The following GFRA1 variants were observed in gnomAD, a reference collection of about 807,000 sequenced individuals.
The protein encoded by GFRA1 is GDNF family receptor alpha 1, also known as GDNF family receptor alpha-1.
In GFRA1, 16 loss-of-function variants were observed where a neutral mutation model predicts 51.6. That is an observed-to-expected ratio of 0.31 (90% CI 0.21 to 0.47). The LOEUF (loss-of-function observed/expected upper bound fraction) is 0.47, where lower values mean the gene tolerates loss of function less well. Among genes scored for constraint, GFRA1 ranks in the 20% least tolerant of loss-of-function variants. GFRA1 has a pLI of 1.00. For synonymous variants in GFRA1, 270 were observed against 241.3 expected (o/e 1.12, Z -1.10); for missense variants, 530 against 594.3 (o/e 0.89, Z 1.13).
At chr10:116,156,210 T>C (rs548699196) in intron 5 of GFRA1, among the ~76,000 whole-genome samples, 1 of 152,320 alleles carries the variant, frequency 6.6e-6, no homozygotes, top group South Asian at 2.1e-4. Flanking sequence ...CACAAGAGTA[T>C]TCCTTTGAAT....
chr10:116,222,352 C>A (rs1965982380), intron 4 of GFRA1, among the ~76,000 whole-genome samples: 1 of 152,092 alleles, frequency 6.6e-6, no homozygotes, highest in African/African-American at 2.4e-5. Flanking sequence ...GTGCCCGCCA[C>A]CACACCTGGC....
At chr10:116,180,602 A>G (rs1962114218) in intron 5 of GFRA1, among the ~76,000 whole-genome samples, 2 of 151,958 alleles carry the variant, frequency 1.3e-5, no homozygotes, top group South Asian at 4.2e-4. Flanking sequence ...CTCTACAACT[A>G]ATTATCCTAT....
At chr10:116,199,583 T>G (rs1158184822) in intron 5 of GFRA1, among the ~76,000 whole-genome samples, 1 of 152,236 alleles carries the variant, frequency 6.6e-6, no homozygotes, top group Admixed American at 6.5e-5. Flanking sequence ...TATCCACCTC[T>G]CTATCCATCC....
At chr10:116,179,005 C>T (rs74160646) in intron 5 of GFRA1, among the ~76,000 whole-genome samples, 24 of 152,254 alleles carry the variant, frequency 1.6e-4, no homozygotes, top group Non-Finnish European at 3.4e-4. Context: ...CATCTGCTCC[C>T]CCGGTTACCG....
chr10:116,094,563 C>A (rs1589783024), intron 7 of GFRA1, among the ~76,000 whole-genome samples: 1 of 152,116 alleles, frequency 6.6e-6, no homozygotes, highest in South Asian at 2.1e-4. Flanking sequence ...TTAATCCAAA[C>A]CAAATGTCTT....
At chr10:116,168,119 G>T (rs1168873306) in intron 5 of GFRA1, among the ~76,000 whole-genome samples, 2 of 146,740 alleles carry the variant, frequency 1.4e-5, no homozygotes, top group Non-Finnish European at 3.0e-5. Flanking sequence ...AAGAGTCAGT[G>T]GTTCAAACCT....
chr10:116,107,404 C>A (rs931871552), intron 6 of GFRA1, among the ~76,000 whole-genome samples: 1 of 152,192 alleles, frequency 6.6e-6, no homozygotes, highest in Non-Finnish European at 1.5e-5. Context: ...ATATGAAATG[C>A]TTTGTCCTAA....
chr10:116,186,377 C>T (rs570866669), intron 5 of GFRA1, among the ~76,000 whole-genome samples: 56 of 152,282 alleles, frequency 3.7e-4, no homozygotes, highest in African/African-American at 1.3e-3. Context: ...TTACTTCACA[C>T]AGAGGTGGTG....
intron 5 of GFRA1, among the ~76,000 whole-genome samples, chr10:116,143,259 T>C (rs968393081): frequency 3.9e-5 from 6 of 151,908 alleles, no homozygotes; most frequent in African/African-American, 1.5e-4. Flanking sequence ...AACCATTTCC[T>C]GAGGCTGGGT....
At chr10:116,096,535 C>T (rs79375672) in intron 7 of GFRA1, 120 bp downstream of exon 7, 7 of 700,262 alleles carry the variant, frequency 1.0e-5, no homozygotes, top group East Asian at 5.5e-5. Context: ...AACATCCAAA[C>T]CCCAGCCCAG....
chr10:116,096,190 GC>G (rs1214439941), intron 7 of GFRA1, among the ~76,000 whole-genome samples: 5 of 152,130 alleles, frequency 3.3e-5, no homozygotes, highest in Non-Finnish European at 5.9e-5. Flanking sequence ...AGCAAGCAGG[GC>G]CCCTGTATTT....
intron 6 of GFRA1, among the ~76,000 whole-genome samples, chr10:116,102,369 C>T (rs1025145740): frequency 2.0e-5 from 3 of 152,170 alleles, no homozygotes; most frequent in African/African-American, 7.2e-5. Context: ...CCAGAGGATG[C>T]AGATGGGACA....
rs565596442 is a variant in GFRA1 at position 116,078,695 on chromosome 10, T to A, written c.1197+11046A>T. Among the ~76,000 whole-genome samples, 53 of 150,168 alleles carry A rather than the reference T, an allele frequency of 3.5e-4. No homozygotes were observed. The South Asian group carries it at 7.9e-3, about 22-fold the overall frequency. On this transcript the variant is annotated intron_variant, in intron 9 of 10. Coordinates refer to ENST00000355422, the MANE Select transcript of GFRA1 (RefSeq NM_005264.8). ...AGGTTAGATATAGCCAAGGTTTGGA[T>A]TTTTTTCTATGTGACAAAAATAACA...
intron 5 of GFRA1, among the ~76,000 whole-genome samples, chr10:116,204,355 G>A (rs1158174768): frequency 6.6e-6 from 1 of 152,212 alleles, no homozygotes; most frequent in Non-Finnish European, 1.5e-5. Flanking sequence ...CATATGCACA[G>A]GTCAGTGTAC....
At chr10:116,253,306 C>T (rs1016781113) in intron 4 of GFRA1, among the ~76,000 whole-genome samples, 2 of 152,208 alleles carry the variant, frequency 1.3e-5, no homozygotes, top group African/African-American at 4.8e-5. Flanking sequence ...GGGCAGGCAC[C>T]GGACAGAAAC....
intron 9 of GFRA1, 42 bp downstream of exon 9, chr10:116,089,699 C>T (rs748464540): frequency 6.4e-7 from 1 of 1,559,578 alleles, no homozygotes; most frequent in South Asian, 1.1e-5. Flanking sequence ...ACCCCCCCAC[C>T]AGGAAGGGAG....
chr10:116,271,919 G>A (rs1190814584), intron 2 of GFRA1, 71 bp downstream of exon 2: 1 of 1,213,334 alleles, frequency 8.2e-7, no homozygotes, highest in Non-Finnish European at 1.2e-6. Context: ...GCGGAGGGCG[G>A]GGTGGGCTGC....
At position 116,155,763 on chromosome 10, in the gene GFRA1, G is replaced by A. The variant is rs1959187674; in HGVS notation, c.434-30206C>T. 3.3e-5 allele frequency among the ~76,000 whole-genome samples: 5 copies of A among 152,232 alleles called. No individual in the cohort carries two copies. The South Asian group carries it at 1.0e-3, about 32-fold the overall frequency. ...TGGGGTGTAAACAGCCCCTCTCTGT[G>A]CCACCAAATCATCATGCTGGACACA... On this transcript the variant is annotated intron_variant, in intron 5 of 10. Transcript: ENST00000355422.
At chr10:116,252,457 G>A (rs1968460954) in intron 4 of GFRA1, among the ~76,000 whole-genome samples, 1 of 152,170 alleles carries the variant, frequency 6.6e-6, no homozygotes, top group Non-Finnish European at 1.5e-5. Context: ...AGCTGGCAAG[G>A]CTGCAGGTGA....
Sources: allele counts gnomAD v4.1 joint callset (sites outside exome capture counted in the v4.1 genomes callset), GRCh38; gene constraint gnomAD v4.1.1; transcripts MANE v1.5; gene names NCBI Gene and HGNC (gene_info 2026-07-23, HGNC 2026-07-21).